UPF1: variants seen among roughly 807,000 people sequenced by gnomAD.
UPF1 encodes the protein UPF1 RNA helicase and ATPase, also known as regulator of nonsense transcripts 1.
UPF1 carries 9 observed loss-of-function variants against 129.2 expected under a neutral mutation model. The observed-to-expected ratio is 0.07, with a 90% confidence interval of 0.04 to 0.12. The LOEUF (loss-of-function observed/expected upper bound fraction) is 0.12, where lower values mean the gene tolerates loss of function less well. Among genes scored for constraint, UPF1 ranks in the 10% least tolerant of loss-of-function variants. The pLI is 1.00. For missense variants in UPF1, 788 were observed against 1,525.3 expected (o/e 0.52, Z 8.05); for synonymous variants, 649 against 644.9 (o/e 1.01, Z -0.10).
intron 17 of UPF1, 135 bp downstream of exon 17, chr19:18,861,117 C>A: frequency 8.0e-7 from 1 of 1,246,510 alleles, no homozygotes; most frequent in Admixed American, 2.7e-5. Flanking sequence ...AGCTGGCCCA[C>A]CCTCTGGGGA....
At chr19:18,859,134 G>C (rs1281350960) in intron 15 of UPF1, among the ~76,000 whole-genome samples, 1 of 152,244 alleles carries the variant, frequency 6.6e-6, no homozygotes, top group Non-Finnish European at 1.5e-5. Flanking sequence ...GAAAACACAA[G>C]GCCACAGAGA....
chr19:18,857,306 C>T lies in UPF1; in HGVS notation c.1969-14C>T. ...CCTGAGCTTCTTGACTTGTGGGGGC[C>T]CCTGTTCCTACAGCTGATCCTTGTA... On this transcript the variant is annotated splice_polypyrimidine_tract_variant and intron_variant, in intron 14 of 23. Coordinates refer to ENST00000262803, the MANE Select transcript of UPF1 (RefSeq NM_002911.4). The T allele has an allele frequency of 6.2e-7, 1 of 1,604,358 alleles. No individual in the cohort carries two copies. Among genetic ancestry groups the T allele is most frequent in the Non-Finnish European group, 8.5e-7 (1 of 1,176,068 alleles).
At position 18,865,206 on chromosome 19, in the gene UPF1, T is replaced by A; in HGVS notation, c.2858-83T>A. On this transcript the variant is annotated intron_variant, in intron 20 of 23. Coordinates refer to ENST00000262803, the MANE Select transcript of UPF1 (RefSeq NM_002911.4). The surrounding 1 kb of genome is among the most constrained non-coding windows in gnomAD (Gnocchi z 6.1). ...GCCAGGACAGATGTGCAGCTCCGGC[T>A]GACTGGCTGGTGGGGTGGGTGGGGT... The A allele has an allele frequency of 6.8e-7, 1 of 1,480,104 alleles. No homozygotes were observed. Among genetic ancestry groups the A allele is most frequent in the East Asian group, 2.4e-5 (1 of 40,866 alleles). 91.7% of individuals were successfully genotyped at this position (1,480,104 alleles called of 1,614,324 possible).
intron 1 of UPF1, among the ~76,000 whole-genome samples, chr19:18,841,609 G>A (rs1471404698): frequency 6.6e-6 from 1 of 152,190 alleles, no homozygotes; most frequent in Non-Finnish European, 1.5e-5. Context: ...AGTCTGGCCT[G>A]GGTTGTTGTC....
At position 18,855,912 on chromosome 19, in the gene UPF1, A is replaced by G. The variant is rs1277537117; in HGVS notation, c.1545-13A>G. 3.7e-6 allele frequency: 6 copies of G among 1,613,156 alleles called. No individual in the cohort carries two copies. In the Admixed American group the frequency reaches 1.0e-4, roughly 27 times the overall value. On this transcript the variant is annotated splice_polypyrimidine_tract_variant and intron_variant, in intron 11 of 23. Transcript: ENST00000262803. ...CTCTGGGTAAGCACTGAGCTGCCCC[A>G]ATGGTGTTGCAGGCCGGTGCTGGTG...
At chr19:18,849,603 G>A (rs1051504953) in intron 3 of UPF1, among the ~76,000 whole-genome samples, 10 of 152,110 alleles carry the variant, frequency 6.6e-5, no homozygotes, top group African/African-American at 2.2e-4. Flanking sequence ...CAGATTTCCC[G>A]GCCTGCAGCA....
intron 15 of UPF1, among the ~76,000 whole-genome samples, chr19:18,857,877 C>A (rs538574587): frequency 6.6e-6 from 1 of 152,252 alleles, no homozygotes; most frequent in African/African-American, 2.4e-5. Context: ...TGAAGAACAG[C>A]TGTTCTCAGG....
Position 18,854,836 on chromosome 19 carries a change from G to A in UPF1, c.1266-43G>A, listed in dbSNP as rs565601431. The A allele has an allele frequency of 1.6e-5, 26 of 1,610,378 alleles. No homozygotes were observed. In the East Asian group the frequency reaches 3.8e-4, roughly 24 times the overall value. ...TGCAAACTCAGGATGTCGGAGAGGC[G>A]GCCACAGCTGTGCGTGTCGCCAACC... On this transcript the variant is annotated intron_variant, in intron 9 of 23. Coordinates refer to ENST00000262803, the MANE Select transcript of UPF1 (RefSeq NM_002911.4).
chr19:18,835,816 GT>G (rs2055478041), intron 1 of UPF1, among the ~76,000 whole-genome samples: 1 of 152,200 alleles, frequency 6.6e-6, no homozygotes, highest in Non-Finnish European at 1.5e-5. Flanking sequence ...GCGTGGATGT[GT>G]TTATAGACCT....
At chr19:18,864,773 T>G (rs536722793) in intron 20 of UPF1, among the ~76,000 whole-genome samples, 2 of 130,112 alleles carry the variant, frequency 1.5e-5, no homozygotes, top group South Asian at 2.7e-4. Flanking sequence ...CGAGTCTCGC[T>G]CTGTTGCCCA....
intron 19 of UPF1, 116 bp downstream of exon 19, chr19:18,863,728 G>A (rs2055807977): frequency 3.0e-6 from 4 of 1,318,366 alleles, no homozygotes; most frequent in Middle Eastern, 2.7e-4. Context: ...TCTCCTAGGG[G>A]AGGGTGGGCT....
rs930408166 is a variant in UPF1 at position 18,845,977 on chromosome 19, C to T, written c.232-3C>T. 1.2e-6 allele frequency: 2 copies of T among 1,613,746 alleles called. No individual in the cohort carries two copies. The highest frequency in any genetic ancestry group is 1.7e-6 in the Non-Finnish European group (2 of 1,179,952). On this transcript the variant is annotated splice_region_variant and splice_polypyrimidine_tract_variant and intron_variant, in intron 1 of 23. Transcript: ENST00000262803. Reference sequence around the variant, plus strand: ...ACTCAGGTGACACTGCGTTCTGCTGCAGGTTGGGCCCGAAGGCATCCTGCA... The same window carrying T: ...ACTCAGGTGACACTGCGTTCTGCTGTAGGTTGGGCCCGAAGGCATCCTGCA...
chr19:18,859,125 A>C (rs1315255903), intron 15 of UPF1, among the ~76,000 whole-genome samples: 1 of 152,224 alleles, frequency 6.6e-6, no homozygotes, highest in African/African-American at 2.4e-5. Context: ...GGCAAGGCTG[A>C]AAACACAAGG....
intron 1 of UPF1, among the ~76,000 whole-genome samples, chr19:18,839,102 T>C (rs1435303072): frequency 1.3e-5 from 2 of 152,090 alleles, no homozygotes; most frequent in African/African-American, 4.8e-5. Context: ...ACCCCCTTCT[T>C]TTCTTTTTAG....
At chr19:18,844,615 G>A (rs1021817422) in intron 1 of UPF1, among the ~76,000 whole-genome samples, 2 of 152,062 alleles carry the variant, frequency 1.3e-5, no homozygotes, top group South Asian at 4.1e-4. Flanking sequence ...TGCCTGGGAT[G>A]GGTACAGGGA....
intron 18 of UPF1, 63 bp from the exon 19 acceptor site, chr19:18,863,375 T>C: frequency 1.3e-6 from 2 of 1,578,776 alleles, no homozygotes; most frequent in Non-Finnish European, 1.7e-6. Context: ...CCTTGCCTCT[T>C]GGACCGTCCT....
chr19:18,844,333 T>C (rs1369902089), intron 1 of UPF1, among the ~76,000 whole-genome samples: 1 of 151,688 alleles, frequency 6.6e-6, no homozygotes, highest in Non-Finnish European at 1.5e-5. Flanking sequence ...TTTTCTTTTT[T>C]TTTTTGAGAT....
At chr19:18,855,484 G>A (rs2055707274) in intron 11 of UPF1, 7 of 589,660 alleles carry the variant, frequency 1.2e-5, no homozygotes, top group Non-Finnish European at 1.8e-5. Context: ...GGGCATGGCT[G>A]CAGCAGCGTG....
At chr19:18,836,070 T>C (rs2055480797) in intron 1 of UPF1, among the ~76,000 whole-genome samples, 2 of 152,202 alleles carry the variant, frequency 1.3e-5, no homozygotes, top group Non-Finnish European at 2.9e-5. Flanking sequence ...GAAACTGATA[T>C]TTATCAAAGC....
Sources: gnomAD v4.1 joint callset for allele counts (sites outside exome capture counted in the v4.1 genomes callset) on GRCh38, gnomAD v4.1.1 for gene constraint, Gnocchi (gnomAD v3.1) non-coding constraint, MANE v1.5 for transcripts, NCBI Gene and HGNC (gene_info 2026-07-23, HGNC 2026-07-21) for gene names.